MEIOSIN: variants seen among roughly 807,000 people sequenced by gnomAD.
MEIOSIN encodes the protein meiosis initiator protein.
A neutral mutation model predicts 23.4 loss-of-function variants in MEIOSIN; 18 were observed. The ratio of observed to expected loss-of-function variants is 0.77; its 90% CI spans 0.53 to 1.14. MEIOSIN has a LOEUF of 1.14. Among genes scored for constraint, MEIOSIN ranks in the 50% most tolerant of loss-of-function variants. The pLI is 0.00. For synonymous variants in MEIOSIN, 187 were observed against 100.6 expected (o/e 1.86, Z -5.14); for missense variants, 428 against 242.9 (o/e 1.76, Z -5.07).
At chr19:45,752,682 G>A (rs77064639) in intron 5 of MEIOSIN, among the ~76,000 whole-genome samples, 2,496 of 152,058 alleles carry the variant, frequency 0.016, 72 homozygotes, top group African/African-American at 0.057. Flanking sequence ...ACATTTAATC[G>A]TCAGGACAAA....
intron 9 of MEIOSIN, among the ~76,000 whole-genome samples, 168 bp downstream of exon 9, chr19:45,757,445 C>T (rs557989608): frequency 2.0e-5 from 3 of 152,340 alleles, no homozygotes; most frequent in African/African-American, 2.4e-5. Context: ...ACCGCTGCCA[C>T]GGAGGCTTGA....
intron 11 of MEIOSIN, among the ~76,000 whole-genome samples, chr19:45,759,716 G>A (rs1291990540): frequency 6.6e-6 from 1 of 152,056 alleles, no homozygotes; most frequent in Non-Finnish European, 1.5e-5. Context: ...GGAACGAATT[G>A]GACAAAATGG....
chr19:45,763,927 G>A (rs1243203540), intron 14 of MEIOSIN, 44 bp from the exon 15 acceptor site: 5 of 398,562 alleles, frequency 1.3e-5, no homozygotes, highest in Non-Finnish European at 2.2e-5. Flanking sequence ...GGATGCCCGG[G>A]AGGCGAGTGA....
chr19:45,752,919 CTTT>C (rs11387482), intron 5 of MEIOSIN, among the ~76,000 whole-genome samples: 7 of 119,162 alleles, frequency 5.9e-5, no homozygotes, highest in Admixed American at 4.2e-4. Flanking sequence ...GTTTCTTCTT[CTTT>C]TTTTTTTTTT....
chr19:45,756,820 C>T (rs1600388736), intron 8 of MEIOSIN, among the ~76,000 whole-genome samples: 1 of 152,154 alleles, frequency 6.6e-6, no homozygotes, highest in East Asian at 1.9e-4. Flanking sequence ...ATACTTCACA[C>T]TGCCACACAT....
In MEIOSIN at chr19:45,739,607, C is replaced by T. The variant is rs1464096367; in HGVS notation, c.72-19C>T. On this transcript the variant is annotated intron_variant, in intron 2 of 14. Coordinates refer to ENST00000457052, the MANE Select transcript of MEIOSIN (RefSeq NM_001310124.2). ...TACCACTCCAACCCTGAACCAATCA[C>T]TGTGACTATTCTTGGCAGGACCTTG... is the stretch of plus-strand genomic sequence containing the variant. The T allele has an allele frequency of 1.4e-6, 1 of 702,930 alleles. No individual in the cohort carries two copies. 43.5% of individuals were successfully genotyped at this position (702,930 alleles called of 1,614,324 possible).
intron 3 of MEIOSIN, among the ~76,000 whole-genome samples, chr19:45,743,847 A>C (rs1300185023): frequency 6.6e-6 from 1 of 151,472 alleles, no homozygotes; most frequent in African/African-American, 2.4e-5. Flanking sequence ...CATAAAGGCG[A>C]GGTCTCACTT....
At chr19:45,735,807 G>T (rs1968400019) in intron 2 of MEIOSIN, among the ~76,000 whole-genome samples, 1 of 152,074 alleles carries the variant, frequency 6.6e-6, no homozygotes, top group Non-Finnish European at 1.5e-5. Flanking sequence ...CTCCCCAGTA[G>T]CTGGGACTAC....
At chr19:45,743,844 G>T (rs1968546287) in intron 3 of MEIOSIN, among the ~76,000 whole-genome samples, 1 of 150,896 alleles carries the variant, frequency 6.6e-6, no homozygotes, top group Non-Finnish European at 1.5e-5. Flanking sequence ...TTTCATAAAG[G>T]CGAGGTCTCA....
rs912348403 is a variant in MEIOSIN at position 45,739,734 on chromosome 19, C to T, written c.176+4C>T. The T allele has an allele frequency of 1.4e-6, 1 of 703,424 alleles. No homozygotes were observed. The highest frequency in any genetic ancestry group is 2.6e-6 in the Non-Finnish European group (1 of 385,106). The allele number at this position is 703,424 out of a possible 1,614,324, so 43.6% of individuals were successfully genotyped here. ...GGTTGCTCAAAGGAAAACTGAGGTA[C>T]TGTTAACAGAAAAGGGGGGATTGGA... On this transcript the variant is annotated splice_donor_region_variant and intron_variant, in intron 3 of 14. Transcript: ENST00000457052.
At chr19:45,763,448 G>A in intron 14 of MEIOSIN, 21 bp downstream of exon 14, 3 of 398,674 alleles carry the variant, frequency 7.5e-6, no homozygotes, top group Non-Finnish European at 1.3e-5. Flanking sequence ...CCGGCCCCGA[G>A]GTGTGGGTGG....
intron 4 of MEIOSIN, among the ~76,000 whole-genome samples, chr19:45,747,778 A>G (rs1273385048): frequency 6.6e-6 from 1 of 152,182 alleles, no homozygotes; most frequent in African/African-American, 2.4e-5. Flanking sequence ...TGAGATAGAA[A>G]GAGAGACAGA....
Position 45,735,485 on chromosome 19 carries a change from C to T in MEIOSIN, c.71+38C>T. The T allele has an allele frequency of 4.4e-6, 3 of 681,670 alleles. No individual in the cohort carries two copies. In the South Asian group the frequency reaches 4.7e-5, roughly 11 times the overall value. The allele number at this position is 681,670 out of a possible 1,614,324, so 42.2% of individuals were successfully genotyped here. A position where few individuals can be genotyped will look rare whatever the true frequency, so the allele number is the denominator to read the frequency against. ...CCCATCTCCCTTATAGCCCCAGCCACTCTCATTGAATAATAATAACAAAAA... is the reference window on the plus strand; with the variant it reads ...CCCATCTCCCTTATAGCCCCAGCCATTCTCATTGAATAATAATAACAAAAA... On this transcript the variant is annotated intron_variant, in intron 2 of 14. Transcript: ENST00000457052.
At chr19:45,763,608 G>T (rs1968993458) in intron 14 of MEIOSIN, among the ~76,000 whole-genome samples, 181 bp downstream of exon 14, 1 of 152,166 alleles carries the variant, frequency 6.6e-6, no homozygotes, top group Non-Finnish European at 1.5e-5. Context: ...CCCCACCACA[G>T]CTAAGCTGGG....
intron 4 of MEIOSIN, among the ~76,000 whole-genome samples, chr19:45,750,259 C>T (rs988829541): frequency 4.7e-5 from 7 of 148,870 alleles, no homozygotes; most frequent in Non-Finnish European, 1.0e-4. Context: ...CTCACTGCAA[C>T]CTTTGCTTCA....
At chr19:45,750,003 C>CAA (rs766354868) in intron 4 of MEIOSIN, among the ~76,000 whole-genome samples, 3 of 73,446 alleles carry the variant, frequency 4.1e-5, no homozygotes, top group Non-Finnish European at 5.6e-5. Flanking sequence ...GACTCTGTCT[C>CAA]AAAAAAAAAA....
At position 45,763,437 on chromosome 19, in the gene MEIOSIN, T is replaced by C; in HGVS notation, c.1769+10T>C. On this transcript the variant is annotated intron_variant, in intron 14 of 14. Transcript: ENST00000457052. ...AGCGGAGGCCATACTGGTGAGAGGCTCCGGCCCCGAGGTGTGGGTGGGGGG... is the reference window on the plus strand; with the variant it reads ...AGCGGAGGCCATACTGGTGAGAGGCCCCGGCCCCGAGGTGTGGGTGGGGGG... 2.5e-6 allele frequency: 1 copy of C among 398,590 alleles called. No homozygotes were observed. Among genetic ancestry groups the C allele is most frequent in the Non-Finnish European group, 4.4e-6 (1 of 226,096 alleles). The allele number at this position is 398,590 out of a possible 1,614,324, so 24.7% of individuals were successfully genotyped here.
intron 4 of MEIOSIN, 26 bp from the exon 5 acceptor site, chr19:45,750,649 C>A: frequency 3.8e-6 from 2 of 531,994 alleles, no homozygotes; most frequent in South Asian, 5.1e-5. Context: ...GTGAGCCTGG[C>A]CAACCCTGTC....
intron 1 of MEIOSIN, among the ~76,000 whole-genome samples, chr19:45,734,489 T>C (rs962295520): frequency 8.5e-5 from 13 of 152,066 alleles, no homozygotes; most frequent in African/African-American, 3.1e-4. Flanking sequence ...TTAGGGTTTG[T>C]AGGTTTGGGA....
Sources: allele counts gnomAD v4.1 joint callset (sites outside exome capture counted in the v4.1 genomes callset), GRCh38; gene constraint gnomAD v4.1.1; transcripts MANE v1.5; gene names NCBI Gene and HGNC (gene_info 2026-07-23, HGNC 2026-07-21).